EPG5: variants seen among roughly 807,000 people sequenced by gnomAD.
The protein encoded by EPG5 is ectopic P granules protein 5 homolog.
A neutral mutation model predicts 302.7 loss-of-function variants in EPG5; 159 were observed. The observed-to-expected ratio is 0.53, with a 90% confidence interval of 0.46 to 0.60. The LOEUF (loss-of-function observed/expected upper bound fraction) is 0.60, where lower values mean the gene tolerates loss of function less well. EPG5 is among the 20% of genes least tolerant of loss of function. The probability of loss-of-function intolerance (pLI) is 0.00; values close to 1 mark genes in which losing one functional copy is unlikely to be tolerated. For missense variants in EPG5, 2,896 were observed against 3,092.4 expected, an observed-to-expected ratio of 0.94 and a Z score of 1.51; for synonymous variants, 1,158 against 1,136.8, an observed-to-expected ratio of 1.02 and a Z score of -0.37.
rs764795176 is a variant in EPG5 at position 45,948,513 on chromosome 18, ACAT to A, written c.1558_1560del (p.Met520del). 2 of 1,613,062 alleles carry A rather than the reference ACAT, an allele frequency of 1.2e-6. No homozygotes were observed. The highest frequency in any genetic ancestry group is 1.7e-6 in the Non-Finnish European group (2 of 1,179,076). On this transcript the variant is annotated inframe_deletion, in exon 6 of 44. Coordinates refer to ENST00000282041, the MANE Select transcript of EPG5 (RefSeq NM_020964.3). The stretch of plus-strand genomic sequence containing the variant: ...CTCTTGCACACTTACTTGACAGGAG[ACAT>A]CAGCAGGGCAAGGGATTGCATAAAA...
At chr18:45,866,177 T>C (rs181148867) in intron 38 of EPG5, among the ~76,000 whole-genome samples, 74 of 150,550 alleles carry the variant, frequency 4.9e-4, no homozygotes, top group African/African-American at 1.8e-3. Flanking sequence ...TGGAGTGCAG[T>C]GGTGCGATCT....
the EPG5 span, chr18:45,839,056 C>T: frequency 6.6e-7 from 1 of 1,512,812 alleles, no homozygotes; most frequent in East Asian, 2.7e-5. Context: ...GCTGCTGCTG[C>T]TCGGGGTCCT....
chr18:45,837,878 G>T, the EPG5 span: 4 of 1,529,522 alleles, frequency 2.6e-6, no homozygotes, highest in African/African-American at 1.4e-5. Context: ...CCGCCACGGC[G>T]TCCGGCTGCA....
At chr18:45,864,007 C>T (rs917411307) in intron 39 of EPG5, among the ~76,000 whole-genome samples, 2 of 152,158 alleles carry the variant, frequency 1.3e-5, no homozygotes, top group Non-Finnish European at 2.9e-5. Flanking sequence ...TGCTTCTCCC[C>T]AGTTAAGTAT....
intron 26 of EPG5, 144 bp downstream of exon 26, chr18:45,900,852 A>T: frequency 1.5e-6 from 1 of 667,880 alleles, no homozygotes; most frequent in Non-Finnish European, 2.4e-6. Context: ...CAACTTGGTT[A>T]ACCAAGTGAA....
At chr18:45,809,207 G>A in the EPG5 span, among the ~76,000 whole-genome samples, 4 of 152,022 alleles carry the variant, frequency 2.6e-5, no homozygotes, top group Non-Finnish European at 5.9e-5. Context: ...TCTAACACTG[G>A]AGCTCCCAAA....
At position 45,851,236 on chromosome 18, in the gene EPG5, G is replaced by A. The variant is rs919171178; in HGVS notation, c.*1231C>T. On this transcript the variant is annotated 3_prime_UTR_variant, in exon 44 of 44. Transcript: ENST00000282041. ...AGGCTACAGACTACCCATACACAAA[G>A]ACATATTAAGCCAGCTATGCAGGCA... 3.9e-5 allele frequency: 6 copies of A among 152,108 alleles called. No individual in the cohort carries two copies. Among genetic ancestry groups the A allele is most frequent in the African/African-American group, 1.4e-4 (6 of 41,392 alleles). The allele number at this position is 152,108 out of a possible 1,614,324, so 9.4% of individuals were successfully genotyped here.
At chr18:45,810,567 G>T in the EPG5 span, among the ~76,000 whole-genome samples, 1 of 152,140 alleles carries the variant, frequency 6.6e-6, no homozygotes, top group Non-Finnish European at 1.5e-5. Flanking sequence ...GACCCAGGTG[G>T]GTGGATCACC....
Position 45,952,425 on chromosome 18 carries a change from A to G in EPG5, c.1227T>C (p.Ser409=). Reference sequence around the variant, plus strand: ...CTCGGCCTTGCTGGTGAATTGCTGAAGATCTCAGAACAGCTGAACTACTGA... The same window carrying G: ...CTCGGCCTTGCTGGTGAATTGCTGAGGATCTCAGAACAGCTGAACTACTGA... ...ALLSSSAVLR[S]SAIHQQGRAS... Residue 409 remains serine, a synonymous_variant, in exon 3 of 44, where the codon TCT becomes TCC. Coordinates refer to ENST00000282041, the MANE Select transcript of EPG5 (RefSeq NM_020964.3). 1 of 1,614,154 alleles carries G rather than the reference A, an allele frequency of 6.2e-7. No individual in the cohort carries two copies. Among genetic ancestry groups the G allele is most frequent in the South Asian group, 1.1e-5 (1 of 91,068 alleles).
In EPG5 at chr18:45,857,873, C is replaced by G. The variant is rs1036226828; in HGVS notation, c.7422G>C (p.Arg2474=). 1 of 1,612,050 alleles carries G rather than the reference C, an allele frequency of 6.2e-7. No homozygotes were observed. Among genetic ancestry groups the G allele is most frequent in the African/African-American group, 1.3e-5 (1 of 74,818 alleles). ...CTTACCTGTTAGACAAAGGCGACTTCCGGCCAAACCCAATTGCCCCCAGGA... is the reference window on the plus strand; with the variant it reads ...CTTACCTGTTAGACAAAGGCGACTTGCGGCCAAACCCAATTGCCCCCAGGA... The part of the protein sequence containing the change: ...SGILGAIGFG[R]KSPLSNRFRV... The change falls in exon 42 of 44, where the codon CGG becomes CGC. Residue 2474 remains arginine (R), a synonymous_variant. Transcript: ENST00000282041.
At chr18:45,831,464 T>C in the EPG5 span, among the ~76,000 whole-genome samples, 93 of 152,314 alleles carry the variant, frequency 6.1e-4, no homozygotes, top group Admixed American at 1.3e-3. Context: ...ATAAGTGTGT[T>C]AGAATTGTGC....
chr18:45,877,716 C>T (rs542503437), intron 34 of EPG5, among the ~76,000 whole-genome samples: 1 of 152,278 alleles, frequency 6.6e-6, no homozygotes, highest in East Asian at 1.9e-4. Flanking sequence ...CAGCACTAAC[C>T]AACCAGCTAT....
intron 10 of EPG5, among the ~76,000 whole-genome samples, chr18:45,939,360 G>C (rs2050610698): frequency 6.6e-6 from 1 of 152,156 alleles, no homozygotes; most frequent in South Asian, 2.1e-4. Flanking sequence ...AAAAAACTGA[G>C]ACACCAGAAT....
chr18:45,941,352 T>C (rs1052521171), intron 9 of EPG5, among the ~76,000 whole-genome samples: 16 of 152,166 alleles, frequency 1.1e-4, no homozygotes, highest in Non-Finnish European at 1.9e-4. Flanking sequence ...AACTGGCCAC[T>C]GGATCTGGAG....
At position 45,944,034 on chromosome 18, in the gene EPG5, A is replaced by C. The variant is rs1281707766; in HGVS notation, c.1763T>G (p.Phe588Cys). 6.2e-7 allele frequency: 1 copy of C among 1,613,538 alleles called. No homozygotes were observed. Among genetic ancestry groups the C allele is most frequent in the Non-Finnish European group, 8.5e-7 (1 of 1,179,432 alleles). ...ILAQFPFHELFQHLLGFKAKG... is the reference protein window; with the variant it reads ...ILAQFPFHELCQHLLGFKAKG... Reference sequence around the variant, plus strand: ...TGCTTTAAACCCAAGAAGATGCTGAAAGAGTTCATGAAAGGGGAACTGTGC... The same window carrying C: ...TGCTTTAAACCCAAGAAGATGCTGACAGAGTTCATGAAAGGGGAACTGTGC... The change falls in exon 8 of 44, where the codon TTT becomes TGT. Residue 588 changes from phenylalanine (F) to cysteine (C), a missense_variant. Physicochemically the swap from Phe to Cys is radical, Grantham distance 205. This residue lies in a region of EPG5 where 1,390 missense variants were observed against 1,430.0 expected (regional missense o/e 0.97). Transcript: ENST00000282041.
At chr18:45,944,794 T>C (rs1194021017) in intron 7 of EPG5, among the ~76,000 whole-genome samples, 1 of 152,184 alleles carries the variant, frequency 6.6e-6, no homozygotes, top group Admixed American at 6.5e-5. Context: ...CAAAGTTATG[T>C]TAGCTGCAAT....
At position 45,858,618 on chromosome 18, in the gene EPG5, C is replaced by T. The variant is rs1399290496; in HGVS notation, c.7174G>A (p.Glu2392Lys). The change falls in exon 41 of 44, where the codon GAA becomes AAA. Residue 2392 changes from glutamate (E) to lysine (K), a missense_variant. Physicochemically the swap from Glu to Lys is moderately conservative, Grantham distance 56 (BLOSUM62 1). Around this residue, in one of 5 missense-constraint regions of EPG5, gnomAD observed 620 missense variants for 704.2 expected, o/e 0.88. Coordinates refer to ENST00000282041, the MANE Select transcript of EPG5 (RefSeq NM_020964.3). ...CTTAAGATGAGCAGCACTTTCATTT[C>T]ATTCCTTAAAGTCTGTTCGCTGTTT... ...CLNSEQTLRNEMKVLLILSKW... is the reference protein window; with the variant it reads ...CLNSEQTLRNKMKVLLILSKW... 3.1e-6 allele frequency: 5 copies of T among 1,614,044 alleles called. No homozygotes were observed. The African/African-American group carries it at 6.7e-5, about 22-fold the overall frequency.
chr18:45,927,020 C>T (rs1421273135), intron 13 of EPG5, among the ~76,000 whole-genome samples: 1 of 149,858 alleles, frequency 6.7e-6, no homozygotes, highest in Non-Finnish European at 1.5e-5. Flanking sequence ...CAGTAGCATA[C>T]AATGTTTTTC....
At position 45,939,670 on chromosome 18, in the gene EPG5, T is replaced by C. The variant is rs761738451; in HGVS notation, c.2029A>G (p.Met677Val). ...GSGLAQQPYS[M>V]EKLQVEFDEL... ...TCAAATTCAACCTGTAGTTTCTCCA[T>C]AGAGTAGGGCTGTTGGGCCAATCCT... The change falls in exon 10 of 44, where the codon ATG (methionine) becomes GTG (valine). Residue 677 changes from methionine (M) to valine (V), a missense_variant. Met to Val is a conservative substitution (Grantham distance 21). Around this residue, in one of 5 missense-constraint regions of EPG5, gnomAD observed 1,390 missense variants for 1,430.0 expected, o/e 0.97. Transcript: ENST00000282041. 8 of 1,614,036 alleles carry C rather than the reference T, an allele frequency of 5.0e-6. No individual in the cohort carries two copies. In the South Asian group the frequency reaches 6.6e-5, roughly 13 times the overall value.
Sources: gnomAD v4.1 joint callset for allele counts (sites outside exome capture counted in the v4.1 genomes callset) on GRCh38, gnomAD v4.1.1 for gene constraint, gnomAD v4.1.1 regional missense constraint, MANE v1.5 for transcripts, NCBI Gene and HGNC (gene_info 2026-07-23, HGNC 2026-07-21) for gene names.